Variants in TRAF2 observed in about 807,000 individuals in gnomAD.
TRAF2 encodes TNF receptor-associated factor 2.
TRAF2 carries 6 observed loss-of-function variants against 55.6 expected under a neutral mutation model. The observed-to-expected ratio is 0.11, with a 90% confidence interval of 0.06 to 0.21. The LOEUF (loss-of-function observed/expected upper bound fraction) is 0.21. Among genes scored for constraint, TRAF2 ranks in the 10% least tolerant of loss-of-function variants. TRAF2 has a pLI of 1.00. For synonymous variants in TRAF2, 329 were observed against 276.3 expected (o/e 1.19, Z -1.89); for missense variants, 561 against 684.5 (o/e 0.82, Z 2.01).
rs1849711395 is a variant in TRAF2 at position 136,897,624 on chromosome 9, T to C, written c.-28-1089T>C. ...GGGAACCCGTGGTAGCTAAAGGGAG[T>C]GCACTAGGCAGCCCCAGGTGTGCTA... On this transcript the variant is annotated intron_variant, in intron 1 of 10. Transcript: ENST00000247668. 9.7e-5 allele frequency among the ~76,000 whole-genome samples: 12 copies of C among 123,662 alleles called. No homozygotes were observed. The Admixed American group carries it at 1.1e-3, about 11-fold the overall frequency. 81.1% of individuals were successfully genotyped at this position (123,662 alleles called of 152,430 possible).
rs541962100 is a variant in TRAF2 at position 136,917,386 on chromosome 9, T to A, written c.678+771T>A. On this transcript the variant is annotated intron_variant, in intron 7 of 10. Coordinates refer to ENST00000247668, the MANE Select transcript of TRAF2 (RefSeq NM_021138.4). ...GGCACTGGCACAATGGCCAGGCGCC[T>A]GGGTCTCTCCAGGTGGACCCCCCTG... is the stretch of plus-strand genomic sequence containing the variant. 1.1e-4 allele frequency among the ~76,000 whole-genome samples: 16 copies of A among 152,308 alleles called. No homozygotes were observed. The East Asian group carries it at 2.7e-3, about 26-fold the overall frequency.
rs1588425957 is a variant in TRAF2, at chr9:136,900,481, T to C, written c.327T>C (p.Ser109=). Residue 109 remains serine, a synonymous_variant, in exon 4 of 11, where the codon AGT becomes AGC. Coordinates refer to ENST00000247668, the MANE Select transcript of TRAF2 (RefSeq NM_021138.4). ...EVESLPAVCP[S]DGCTWKGTLK... Reference sequence around the variant, plus strand: ...AGAGCCTGCCGGCCGTCTGTCCCAGTGATGGATGCACCTGGAAGGGGACCC... The same window carrying C: ...AGAGCCTGCCGGCCGTCTGTCCCAGCGATGGATGCACCTGGAAGGGGACCC... The C allele has an allele frequency of 6.2e-7, 1 of 1,613,804 alleles. No homozygotes were observed.
chr9:136,894,080 C>T (rs1849634263), intron 1 of TRAF2, among the ~76,000 whole-genome samples: 1 of 123,810 alleles, frequency 8.1e-6, no homozygotes, highest in Non-Finnish European at 1.7e-5. Flanking sequence ...GGAGTCTTGC[C>T]TCATCGCCCA....
intron 7 of TRAF2, among the ~76,000 whole-genome samples, chr9:136,918,227 T>TTATA (rs764701854): frequency 0.015 from 1,026 of 67,974 alleles, 7 homozygotes; most frequent in Admixed American, 0.032. Flanking sequence ...AGTGTTTTGT[T>TTATA]TATATATATA....
At chr9:136,914,605 G>T (rs1850196641) in intron 6 of TRAF2, among the ~76,000 whole-genome samples, 1 of 152,206 alleles carries the variant, frequency 6.6e-6, no homozygotes, top group Admixed American at 6.5e-5. Flanking sequence ...TTGCATTTCA[G>T]ATTCTTACCC....
chr9:136,887,071 A>C (rs1282773848), intron 1 of TRAF2, among the ~76,000 whole-genome samples: 1 of 152,086 alleles, frequency 6.6e-6, no homozygotes. Flanking sequence ...CTGGGGGCGG[A>C]GCCGACTCTG....
chr9:136,885,852 A>G (rs1324602422), upstream of TRAF2, among the ~76,000 whole-genome samples: 1 of 152,224 alleles, frequency 6.6e-6, no homozygotes, highest in Non-Finnish European at 1.5e-5. Context: ...CCGGTTGCAG[A>G]GCATTACCTC....
intron 1 of TRAF2, among the ~76,000 whole-genome samples, chr9:136,888,104 T>TGAGTTTGA (rs1849494681): frequency 6.6e-6 from 1 of 151,870 alleles, no homozygotes. Context: ...CTCTTGACCT[T>TGAGTTTGA]AGGTGATCCA....
Position 136,920,481 on chromosome 9 carries a change from T to C in TRAF2, c.926T>C (p.Leu309Pro). Residue 309 changes from leucine (L) to proline (P), a missense_variant, in exon 8 of 11, where the codon CTG (leucine) becomes CCG (proline). This residue lies in a region of TRAF2 where 426 missense variants were observed against 476.8 expected (regional missense o/e 0.89). Transcript: ENST00000247668. ...GAGGCCTGCAGCCGGCAGCACCGGC[T>C]GGACCAAGACAAGATTGAAGCCCTG... Reference protein sequence around the residue: ...TAEACSRQHRLDQDKIEALSS... With the variant: ...TAEACSRQHRPDQDKIEALSS... 1 of 1,613,356 alleles carries C rather than the reference T, an allele frequency of 6.2e-7. No homozygotes were observed. Among genetic ancestry groups the C allele is most frequent in the Non-Finnish European group, 8.5e-7 (1 of 1,179,822 alleles).
Position 136,925,746 on chromosome 9 carries a change from G to C in TRAF2, c.1351G>C (p.Val451Leu), listed in dbSNP as rs147459885. Residue 451 changes from valine to leucine, a missense_variant, in exon 11 of 11, where the codon GTG becomes CTG. Around this residue, in one of 2 missense-constraint regions of TRAF2, gnomAD observed 135 missense variants for 207.7 expected, o/e 0.65. Coordinates refer to ENST00000247668, the MANE Select transcript of TRAF2 (RefSeq NM_021138.4). ...EHVIDAFRPD[V>L]TSSSFQRPVN... ...CGTGATTGACGCCTTCAGGCCCGAC[G>C]TGACTTCATCCTCTTTTCAGAGGCC... 2 of 1,614,114 alleles carry C rather than the reference G, an allele frequency of 1.2e-6. No homozygotes were observed. Among genetic ancestry groups the C allele is most frequent in the Admixed American group, 1.7e-5 (1 of 60,018 alleles).
In TRAF2 at chr9:136,887,105, G is replaced by A. The variant is rs1408121998; in HGVS notation, c.-29+564G>A. Among the ~76,000 whole-genome samples the A allele has an allele frequency of 3.9e-5, 6 of 152,318 alleles. No homozygotes were observed. In the East Asian group the frequency reaches 1.2e-3, roughly 29 times the overall value. ...TGCTGCCTTCCTGCCCAGTGGCTGGGGAGACCCAGGCTGAGCCTGGGTGAA... is the reference window on the plus strand; with the variant it reads ...TGCTGCCTTCCTGCCCAGTGGCTGGAGAGACCCAGGCTGAGCCTGGGTGAA... On this transcript the variant is annotated intron_variant, in intron 1 of 10. Coordinates refer to ENST00000247668, the MANE Select transcript of TRAF2 (RefSeq NM_021138.4).
At chr9:136,882,692 G>C, upstream of TRAF2, 1 of 985,508 alleles carries the variant, frequency 1.0e-6, no homozygotes, top group Non-Finnish European at 1.2e-6. Flanking sequence ...GGAATCCCCT[G>C]AGCTGCGCCA....
chr9:136,889,714 C>T (rs1165395971), intron 1 of TRAF2: 2 of 152,318 alleles, frequency 1.3e-5, no homozygotes, highest in Admixed American at 6.5e-5. Flanking sequence ...CAACCTCAGC[C>T]TCCCAAGTAG....
intron 6 of TRAF2, among the ~76,000 whole-genome samples, chr9:136,915,171 C>T (rs1450033292): frequency 6.6e-6 from 1 of 152,054 alleles, no homozygotes; most frequent in African/African-American, 2.4e-5. Context: ...AAGAGAGAAA[C>T]TCCGTCTCAA....
intron 5 of TRAF2, 22 bp downstream of exon 5, chr9:136,908,253 C>CCT (rs766464187): frequency 4.5e-6 from 7 of 1,546,412 alleles, no homozygotes; most frequent in Non-Finnish European, 6.1e-6. Context: ...GGAGCAGCAG[C>CCT]CTGTGTGGCT....
chr9:136,912,310 T>C (rs953244271), intron 6 of TRAF2, among the ~76,000 whole-genome samples: 3 of 151,802 alleles, frequency 2.0e-5, no homozygotes, highest in Non-Finnish European at 4.4e-5. Context: ...TACTGGCACC[T>C]GCCACTCCAC....
chr9:136,911,822 C>A (rs1357381617), intron 6 of TRAF2, among the ~76,000 whole-genome samples: 1 of 133,072 alleles, frequency 7.5e-6, no homozygotes, highest in Non-Finnish European at 1.6e-5. Flanking sequence ...ATGTGTGTGG[C>A]GTGCTTGGGA....
intron 1 of TRAF2, among the ~76,000 whole-genome samples, chr9:136,896,294 G>A (rs1158614332): frequency 1.3e-5 from 2 of 152,248 alleles, no homozygotes; most frequent in Admixed American, 6.5e-5. Flanking sequence ...CGAGCATCAG[G>A]TGACACGTGC....
chr9:136,899,596 C>A lies in TRAF2; in HGVS notation c.191C>A (p.Ser64Tyr). Residue 64 changes from serine to tyrosine, a missense_variant and splice_region_variant, in exon 3 of 11, where the codon TCT (serine) becomes TAT (tyrosine). Transcript: ENST00000247668. ...TTTTTGCCTTTTTTCCCCACTAGCT[C>A]TGGGCCTCAGAACTGTGCTGCCTGT... is the stretch of plus-strand genomic sequence containing the variant. Reference protein sequence around the residue: ...CSFCLASILSSGPQNCAACVH... With the variant: ...CSFCLASILSYGPQNCAACVH... 3 of 1,608,660 alleles carry A rather than the reference C, an allele frequency of 1.9e-6. No homozygotes were observed. Among genetic ancestry groups the A allele is most frequent in the Non-Finnish European group, 1.7e-6 (2 of 1,176,478 alleles).
Sources: allele counts gnomAD v4.1 joint callset (sites outside exome capture counted in the v4.1 genomes callset), GRCh38; gene constraint gnomAD v4.1.1; regional missense constraint gnomAD v4.1.1; transcripts MANE v1.5; gene names NCBI Gene and HGNC (gene_info 2026-07-23, HGNC 2026-07-21).